The following ECI1 variants were observed in gnomAD, a reference collection of about 807,000 sequenced individuals.
The protein encoded by ECI1 is enoyl-CoA delta isomerase 1, mitochondrial.
Under a neutral mutation model 34.2 loss-of-function variants are expected in ECI1, and 34 were observed. The observed-to-expected ratio is 1.00, with a 90% confidence interval of 0.76 to 1.33. The LOEUF (loss-of-function observed/expected upper bound fraction) is 1.33. ECI1 is among the 40% of genes most tolerant of loss of function. ECI1 has a pLI of 0.00. For missense variants in ECI1, 456 were observed against 422.2 expected, an observed-to-expected ratio of 1.08 and a Z score of -0.70; for synonymous variants, 211 against 193.0, an observed-to-expected ratio of 1.09 and a Z score of -0.77.
chr16:2,249,973 T>A (rs745918231), intron 2 of ECI1, among the ~76,000 whole-genome samples: 1 of 145,158 alleles, frequency 6.9e-6, no homozygotes, highest in African/African-American at 2.5e-5. Flanking sequence ...AACCGCGCCA[T>A]TGCACGCCAG....
At position 2,239,808 on chromosome 16, in the gene ECI1, G is replaced by C; in HGVS notation, c.*171C>G. The C allele has an allele frequency of 1.4e-6, 1 of 713,274 alleles. No homozygotes were observed. The highest frequency in any genetic ancestry group is 2.5e-6 in the Non-Finnish European group (1 of 407,668). 44.2% of individuals were successfully genotyped at this position (713,274 alleles called of 1,614,324 possible). On this transcript the variant is annotated 3_prime_UTR_variant, in exon 7 of 7. Coordinates refer to ENST00000301729, the MANE Select transcript of ECI1 (RefSeq NM_001919.4). ...CTGACGGGCACAGGCACCCATGTGT[G>C]TTTGTGTGTGGCTGGGCCTTGGGCC...
intron 6 of ECI1, chr16:2,241,096 A>C (rs962832969): frequency 6.6e-6 from 1 of 151,738 alleles, no homozygotes; most frequent in Non-Finnish European, 1.5e-5. Context: ...TGGAGGTTGC[A>C]GTGAGCTGAG....
chr16:2,245,088 C>T (rs764574068), intron 3 of ECI1, among the ~76,000 whole-genome samples: 7 of 152,140 alleles, frequency 4.6e-5, no homozygotes, highest in Admixed American at 1.3e-4. Context: ...GCTGGAGTAG[C>T]GGGCGCCAGC....
In ECI1 at chr16:2,239,862, C is replaced by T. The variant is rs915187396; in HGVS notation, c.*117G>A. On this transcript the variant is annotated 3_prime_UTR_variant, in exon 7 of 7. Coordinates refer to ENST00000301729, the MANE Select transcript of ECI1 (RefSeq NM_001919.4). ...GGGCTATGAGGAACAGGAACTTCTA[C>T]GTAACATCAGCAAAATGAAACGCTG... The T allele has an allele frequency of 2.2e-5, 25 of 1,158,634 alleles. No homozygotes were observed. The highest frequency in any genetic ancestry group is 4.5e-5 in the African/African-American group (3 of 65,956). The allele number at this position is 1,158,634 out of a possible 1,614,324, so 71.8% of individuals were successfully genotyped here. A position where few individuals can be genotyped will look rare whatever the true frequency, so the allele number is the denominator to read the frequency against.
chr16:2,246,234 A>G (rs536506130), intron 3 of ECI1, among the ~76,000 whole-genome samples: 1 of 152,316 alleles, frequency 6.6e-6, no homozygotes, highest in African/African-American at 2.4e-5. Context: ...CAACATTTAG[A>G]GTCCCCTGCA....
In ECI1 at chr16:2,246,930, G is replaced by T. The variant is rs2093541734; in HGVS notation, c.223C>A (p.Leu75Met). The T allele has an allele frequency of 6.2e-7, 1 of 1,613,888 alleles. No individual in the cohort carries two copies. Among genetic ancestry groups the T allele is most frequent in the Non-Finnish European group, 8.5e-7 (1 of 1,180,028 alleles). Residue 75 changes from leucine to methionine, a missense_variant, in exon 3 of 7, where the codon CTG becomes ATG. Transcript: ENST00000301729. ...PPVNSLSLEF[L>M]TELVISLEKL... ...TCCAGGCTGATGACCAGCTCCGTCAGAAACTCCAGGCTCAGGCTGTTCACT... is the reference window on the plus strand; with the variant it reads ...TCCAGGCTGATGACCAGCTCCGTCATAAACTCCAGGCTCAGGCTGTTCACT...
intron 6 of ECI1, chr16:2,240,877 T>G (rs2093526589): frequency 6.6e-6 from 1 of 151,992 alleles, no homozygotes; most frequent in African/African-American, 2.4e-5. Context: ...GTATTTTTAG[T>G]AGAGAAGGGG....
Position 2,243,172 on chromosome 16 carries a change from G to A in ECI1, c.616C>T (p.Leu206=), listed in dbSNP as rs1341336527. 8 of 1,608,270 alleles carry A rather than the reference G, an allele frequency of 5.0e-6. No homozygotes were observed. The highest frequency in any genetic ancestry group is 1.3e-5 in the African/African-American group (1 of 74,934). Residue 206 remains leucine, a synonymous_variant, in exon 6 of 7, where the codon CTG becomes TTG. Transcript: ENST00000301729. The part of the protein sequence containing the change: ...TIGHRAAERA[L]QLGLLFPPAE... ...GGCGGGAAGAGCAGCCCCAGCTGCA[G>A]GGCACGCTCCGCCGCCCGGTGCCCG...
At chr16:2,249,734 C>T (rs1232255517) in intron 2 of ECI1, among the ~76,000 whole-genome samples, 4 of 148,886 alleles carry the variant, frequency 2.7e-5, no homozygotes, top group African/African-American at 7.3e-5. Context: ...AAAAATTAGC[C>T]GGGCGTGGTG....
chr16:2,248,899 G>C (rs534041071), intron 2 of ECI1, among the ~76,000 whole-genome samples: 2 of 152,250 alleles, frequency 1.3e-5, no homozygotes, highest in African/African-American at 4.8e-5. Context: ...TCTGCGTTCT[G>C]TGTCTGCGGT....
rs1433912482 is a variant in ECI1, at chr16:2,246,989, A to T, written c.167-3T>A. ...CTTGAATTTCATCACAGCGACCCCT[A>T]ATTTAAAGAATGAGAAGAGAAAGCT... On this transcript the variant is annotated splice_region_variant and splice_polypyrimidine_tract_variant and intron_variant, in intron 2 of 6. Transcript: ENST00000301729. The T allele has an allele frequency of 1.2e-6, 2 of 1,612,802 alleles. No homozygotes were observed. Among genetic ancestry groups the T allele is most frequent in the Non-Finnish European group, 1.7e-6 (2 of 1,179,872 alleles).
At chr16:2,240,675 A>T (rs1359862583) in intron 6 of ECI1, 1 of 155,068 alleles carries the variant, frequency 6.4e-6, no homozygotes, top group Non-Finnish European at 1.4e-5. Flanking sequence ...GCGTGCACAC[A>T]CATCCTGGCT....
At chr16:2,245,558 G>C (rs552715653) in intron 3 of ECI1, among the ~76,000 whole-genome samples, 1 of 152,158 alleles carries the variant, frequency 6.6e-6, no homozygotes, top group African/African-American at 2.4e-5. Context: ...TACAAAACGC[G>C]TTCTACTTCC....
In ECI1 at chr16:2,243,102, T is replaced by TCCGGGACCA; in HGVS notation, c.677_685dup (p.Val226_Pro228dup). On this transcript the variant is annotated inframe_insertion, in exon 6 of 7. Transcript: ENST00000301729. ...CAGCGCAGTGCTCTGCACCTGCTCCTCCGGGACCACCTGGTCCACTATGCC... is the reference window on the plus strand; with the variant it reads ...CAGCGCAGTGCTCTGCACCTGCTCCTCCGGGACCACCGGGACCACCTGGTCCACTATGCC... 1 of 1,605,694 alleles carries TCCGGGACCA rather than the reference T, an allele frequency of 6.2e-7. No homozygotes were observed. Among genetic ancestry groups the TCCGGGACCA allele is most frequent in the South Asian group, 1.1e-5 (1 of 91,038 alleles).
chr16:2,251,222 G>C (rs1860418089), intron 2 of ECI1, 94 bp downstream of exon 2: 1 of 470,104 alleles, frequency 2.1e-6, no homozygotes, highest in South Asian at 9.2e-5. Flanking sequence ...CAAACCGAGC[G>C]TCGACAGACG....
chr16:2,243,416 G>A lies in ECI1; in HGVS notation c.465C>T (p.Cys155=). 1 of 1,613,322 alleles carries A rather than the reference G, an allele frequency of 6.2e-7. No individual in the cohort carries two copies. The highest frequency in any genetic ancestry group is 8.5e-7 in the Non-Finnish European group (1 of 1,180,016). Residue 155 remains cysteine, a synonymous_variant, in exon 5 of 7, where the codon TGC becomes TGT. Coordinates refer to ENST00000301729, the MANE Select transcript of ECI1 (RefSeq NM_001919.4). ...GGTAGTCACAGGTCAGGGCCACCAG[G>A]CAGCCTCCAGCGGGGCAGGCTCCCT... ...AINGACPAGG[C]LVALTCDYRI...
At position 2,251,348 on chromosome 16, in the gene ECI1, TGG is replaced by T; in HGVS notation, c.132_133del (p.Ser44ArgfsTer44). ...CGCGTCCGGCTCCACCAGCACCCGC[TGG>T]CTCCCGAAGCGCCGCGCGCCGTCTC... On this transcript the variant is annotated frameshift_variant, in exon 2 of 7. Transcript: ENST00000301729. LOFTEE classifies it high-confidence loss of function. 8.0e-7 allele frequency: 1 copy of T among 1,250,922 alleles called. No homozygotes were observed. 77.5% of individuals were successfully genotyped at this position (1,250,922 alleles called of 1,614,324 possible). A position where few individuals can be genotyped will look rare whatever the true frequency, so the allele number is the denominator to read the frequency against.
At chr16:2,249,484 T>TAC (rs373001180) in intron 2 of ECI1, among the ~76,000 whole-genome samples, 290 of 151,464 alleles carry the variant, frequency 1.9e-3, no homozygotes, top group Non-Finnish European at 3.6e-3. Context: ...GATTTTTATG[T>TAC]ACACACACAC....
At position 2,239,939 on chromosome 16, in the gene ECI1, C is replaced by A. The variant is rs1489855010; in HGVS notation, c.*40G>T. On this transcript the variant is annotated 3_prime_UTR_variant, in exon 7 of 7. Coordinates refer to ENST00000301729, the MANE Select transcript of ECI1 (RefSeq NM_001919.4). ...TTGTTTAAGACCTCCCTGGGACCCA[C>A]AGGGGCACGTGTGGCCGTAAGCCTG... The A allele has an allele frequency of 6.2e-7, 1 of 1,610,032 alleles. No homozygotes were observed. Among genetic ancestry groups the A allele is most frequent in the African/African-American group, 1.3e-5 (1 of 74,894 alleles).
Sources: allele counts gnomAD v4.1 joint callset (sites outside exome capture counted in the v4.1 genomes callset), GRCh38; gene constraint gnomAD v4.1.1; transcripts MANE v1.5; gene names NCBI Gene and HGNC (gene_info 2026-07-23, HGNC 2026-07-21).